The following SPNS3 variants were observed in gnomAD, a reference collection of about 807,000 sequenced individuals.
SPNS3 encodes the protein SPNS lysolipid transporter 3, sphingosine-1-phosphate (putative).
Under a neutral mutation model 54.4 loss-of-function variants are expected in SPNS3, and 51 were observed. That is an observed-to-expected ratio of 0.94 (90% CI 0.75 to 1.18). The LOEUF (loss-of-function observed/expected upper bound fraction) is 1.18, where lower values mean the gene tolerates loss of function less well. SPNS3 is among the 50% of genes most tolerant of loss of function. SPNS3 has a pLI of 0.00. For synonymous variants in SPNS3, 309 were observed against 294.7 expected (o/e 1.05, Z -0.50); for missense variants, 669 against 677.4 (o/e 0.99, Z 0.14).
rs55928003 is a variant in SPNS3 at position 4,461,361 on chromosome 17, C to CTTTTTTTTTTTTTTTTTTTTTTT, written c.1113+8160_1113+8182dup. ...TATTTGCTTTCTTTTCTTTTCTTTT[C>CTTTTTTTTTTTTTTTTTTTTTTT]TTTTTTTTTTTTTTTTTTTTTTTTT... On this transcript the variant is annotated intron_variant, in intron 8 of 11. Coordinates refer to ENST00000355530, the MANE Select transcript of SPNS3 (RefSeq NM_182538.5). Among the ~76,000 whole-genome samples the CTTTTTTTTTTTTTTTTTTTTTTT allele has an allele frequency of 1.1e-3, 37 of 33,418 alleles. 6 individuals carry two copies. The highest frequency in any genetic ancestry group is 1.4e-3 in the South Asian group (1 of 692). The allele number at this position is 33,418 out of a possible 152,430, so 21.9% of individuals were successfully genotyped here.
At chr17:4,481,046 A>G (rs557733958) in intron 9 of SPNS3, among the ~76,000 whole-genome samples, 14 of 152,056 alleles carry the variant, frequency 9.2e-5, no homozygotes, top group African/African-American at 3.4e-4. Flanking sequence ...GAGCAGGGTG[A>G]GGAGGGTGAG....
chr17:4,443,885 G>A (rs1369681225), intron 2 of SPNS3, among the ~76,000 whole-genome samples: 1 of 152,224 alleles, frequency 6.6e-6, no homozygotes, highest in African/African-American at 2.4e-5. Flanking sequence ...CGGATCCCTT[G>A]AGCCCAGGAG....
chr17:4,443,606 C>T (rs1450030796), intron 2 of SPNS3, among the ~76,000 whole-genome samples: 1 of 152,134 alleles, frequency 6.6e-6, no homozygotes, highest in Non-Finnish European at 1.5e-5. Flanking sequence ...AGTAACCAAA[C>T]AAGGGAATAG....
At chr17:4,447,981 T>G (rs1305693105) in intron 5 of SPNS3, among the ~76,000 whole-genome samples, 174 bp from the exon 6 acceptor site, 2 of 152,096 alleles carry the variant, frequency 1.3e-5, no homozygotes, top group African/African-American at 4.8e-5. Flanking sequence ...TGAGAAACAG[T>G]GGTACATCCT....
chr17:4,457,405 A>T (rs112358766), intron 8 of SPNS3, among the ~76,000 whole-genome samples: 16 of 152,310 alleles, frequency 1.1e-4, no homozygotes, highest in African/African-American at 3.8e-4. Flanking sequence ...ACAAACAAAC[A>T]AACAATCAAC....
chr17:4,486,984 C>T lies in SPNS3; in HGVS notation c.1450+401C>T, dbSNP rs940834704. 2.0e-5 allele frequency among the ~76,000 whole-genome samples: 3 copies of T among 151,766 alleles called. No individual in the cohort carries two copies. Among genetic ancestry groups the T allele is most frequent in the African/African-American group, 7.3e-5 (3 of 41,270 alleles). On this transcript the variant is annotated intron_variant, in intron 11 of 11. Coordinates refer to ENST00000355530, the MANE Select transcript of SPNS3 (RefSeq NM_182538.5). This position sits in a 1 kb window ranked among gnomAD's most constrained non-coding sequence, Gnocchi z 5.5. ...GTTAGGAGTTCAAGACCAGCCTGGG[C>T]AACATGGTGAAGCCCTGTCTCTACT...
At chr17:4,437,464 C>G (rs912687013) in intron 1 of SPNS3, among the ~76,000 whole-genome samples, 3 of 151,728 alleles carry the variant, frequency 2.0e-5, no homozygotes, top group Non-Finnish European at 4.4e-5. Context: ...ATCAGGAGTT[C>G]GAGACCAGAC....
chr17:4,465,209 T>C (rs557128554), intron 8 of SPNS3, among the ~76,000 whole-genome samples: 79 of 152,256 alleles, frequency 5.2e-4, no homozygotes, highest in African/African-American at 1.8e-3. Flanking sequence ...GACCTTAGCA[T>C]TGGCTGGTAC....
In SPNS3 at chr17:4,486,387, CAG is replaced by C. The variant is rs1281317589; in HGVS notation, c.1279-23_1279-22del. On this transcript the variant is annotated intron_variant, in intron 10 of 11. Coordinates refer to ENST00000355530, the MANE Select transcript of SPNS3 (RefSeq NM_182538.5). The surrounding 1 kb of genome is among the most constrained non-coding windows in gnomAD (Gnocchi z 5.5). ...CTGGGGGCCAGGCTGGTGGGCCTGG[CAG>C]ACTCATCCCTTCTCCTCCGCAGATC... 6.3e-7 allele frequency: 1 copy of C among 1,594,938 alleles called. No individual in the cohort carries two copies. Among genetic ancestry groups the C allele is most frequent in the Non-Finnish European group, 8.6e-7 (1 of 1,169,304 alleles).
intron 8 of SPNS3, among the ~76,000 whole-genome samples, chr17:4,458,710 G>T (rs959200497): frequency 7.0e-6 from 1 of 142,934 alleles, no homozygotes; most frequent in African/African-American, 2.6e-5. Context: ...TTCCAGACAG[G>T]GTCTCCCTGT....
intron 6 of SPNS3, among the ~76,000 whole-genome samples, chr17:4,448,547 A>C (rs137943498): frequency 0.021 from 3,155 of 152,308 alleles, 55 homozygotes; most frequent in Non-Finnish European, 0.028. Flanking sequence ...CGTGAGCCCC[A>C]GCCTTCCCTC....
At chr17:4,478,432 C>G (rs1301203895) in intron 8 of SPNS3, 140 bp from the exon 9 acceptor site, 1 of 724,074 alleles carries the variant, frequency 1.4e-6, no homozygotes, top group Non-Finnish European at 2.3e-6. Context: ...AGTTCTAGGC[C>G]TTCCTCGCTC....
intron 1 of SPNS3, among the ~76,000 whole-genome samples, chr17:4,434,812 T>C (rs1050607141): frequency 1.5e-5 from 2 of 137,036 alleles, no homozygotes; most frequent in African/African-American, 5.6e-5. Context: ...CCGGCCTTTT[T>C]TTTTTTTCTT....
intron 8 of SPNS3, among the ~76,000 whole-genome samples, chr17:4,468,039 T>A (rs1045633462): frequency 3.9e-5 from 6 of 152,332 alleles, no homozygotes; most frequent in Admixed American, 1.3e-4. Flanking sequence ...GCAGGGGACT[T>A]CATACAAAGT....
chr17:4,435,930 TCAAA>T (rs1476759631), intron 1 of SPNS3, among the ~76,000 whole-genome samples: 4 of 152,182 alleles, frequency 2.6e-5, no homozygotes, highest in African/African-American at 9.7e-5. Flanking sequence ...AGACTCCGTC[TCAAA>T]CAAAGACAAC....
rs910136354 is a variant in SPNS3, at chr17:4,453,342, T to A, written c.1113+137T>A. The A allele has an allele frequency of 1.1e-5, 9 of 839,004 alleles. No individual in the cohort carries two copies. The African/African-American group carries it at 1.5e-4, about 14-fold the overall frequency. The allele number at this position is 839,004 out of a possible 1,614,324, so 52.0% of individuals were successfully genotyped here. On this transcript the variant is annotated intron_variant, in intron 8 of 11. Coordinates refer to ENST00000355530, the MANE Select transcript of SPNS3 (RefSeq NM_182538.5). Reference sequence around the variant, plus strand: ...TCTGAGTAGAGCTTGTTATCCCCATTTTACAGATCAGTAAAGAGAAGCTTG... The same window carrying A: ...TCTGAGTAGAGCTTGTTATCCCCATATTACAGATCAGTAAAGAGAAGCTTG...
chr17:4,440,622 A>T (rs1970825085), intron 2 of SPNS3, among the ~76,000 whole-genome samples: 1 of 151,844 alleles, frequency 6.6e-6, no homozygotes, highest in South Asian at 2.1e-4. Context: ...CTCTCCTTCC[A>T]TTGTACAATT....
chr17:4,486,327 G>A lies in SPNS3; in HGVS notation c.1278+1G>A, dbSNP rs370889254. On this transcript the variant is annotated splice_donor_variant, in intron 10 of 11. Coordinates refer to ENST00000355530, the MANE Select transcript of SPNS3 (RefSeq NM_182538.5). LOFTEE classifies it high-confidence loss of function. The surrounding 1 kb of genome is among the most constrained non-coding windows in gnomAD (Gnocchi z 5.5). ...TGGCAGCCCCTATCTCACAGGACTT[G>A]TAAGACGTGTCTGCGTGTGTGGGGT... 1.9e-6 allele frequency: 3 copies of A among 1,562,704 alleles called. No individual in the cohort carries two copies. In the African/African-American group the frequency reaches 4.1e-5, roughly 21 times the overall value.
chr17:4,439,695 T>G lies in SPNS3; in HGVS notation c.237T>G (p.Ser79Arg). The change falls in exon 2 of 12, where the codon AGT becomes AGG. Residue 79 changes from serine to arginine, a missense_variant. Coordinates refer to ENST00000355530, the MANE Select transcript of SPNS3 (RefSeq NM_182538.5). ...LLDIQEVFQI[S>R]DNHAGLLQTV... ...ATATACAGGAGGTTTTCCAGATCAGTGACAACCATGCTGGTTTGCTTCAGA... is the reference window on the plus strand; with the variant it reads ...ATATACAGGAGGTTTTCCAGATCAGGGACAACCATGCTGGTTTGCTTCAGA... The G allele has an allele frequency of 6.2e-7, 1 of 1,613,402 alleles. No individual in the cohort carries two copies. The highest frequency in any genetic ancestry group is 1.3e-5 in the African/African-American group (1 of 75,026).
Sources: allele counts gnomAD v4.1 joint callset (sites outside exome capture counted in the v4.1 genomes callset), GRCh38; gene constraint gnomAD v4.1.1; non-coding constraint Gnocchi (gnomAD v3.1); transcripts MANE v1.5; gene names NCBI Gene and HGNC (gene_info 2026-07-23, HGNC 2026-07-21).